NACC2: variants seen among roughly 807,000 people sequenced by gnomAD.
NACC2 encodes nucleus accumbens-associated protein 2.
NACC2 carries 8 observed loss-of-function variants against 25.1 expected under a neutral mutation model. That is an observed-to-expected ratio of 0.32 (90% confidence interval 0.19 to 0.57). The LOEUF (loss-of-function observed/expected upper bound fraction) is 0.57, where lower values mean the gene tolerates loss of function less well. Ranked by LOEUF, NACC2 falls within the 20% of genes least tolerant of loss-of-function variation. The pLI, the probability that NACC2 is intolerant of heterozygous loss-of-function variation, is 0.89. For synonymous variants in NACC2, 435 were observed against 294.7 expected (o/e 1.48, Z -4.88); for missense variants, 644 against 650.2 (o/e 0.99, Z 0.10).
chr9:136,011,663 G>A lies in NACC2; in HGVS notation c.1617C>T (p.Ile539=). ...GCGGCTCGGGGGCGGCCACCTCCTG[G>A]ATGACCGAGCCAGCCCCGTCCACCT... ...GEEVDGAGSV[I]QEVAAPEPLP... The change falls in exon 6 of 6, where the codon ATC becomes ATT. Residue 539 remains isoleucine, a synonymous_variant. Transcript: ENST00000277554. 1 of 1,418,344 alleles carries A rather than the reference G, an allele frequency of 7.1e-7. No homozygotes were observed. Among genetic ancestry groups the A allele is most frequent in the Non-Finnish European group, 9.2e-7 (1 of 1,090,480 alleles). The allele number at this position is 1,418,344 out of a possible 1,614,324, so 87.9% of individuals were successfully genotyped here.
Position 136,013,659 on chromosome 9 carries a change from G to A in NACC2, c.1157+205C>T, listed in dbSNP as rs1020662119. ...TTGTGGGGGTTGCATCCACAAGCCC[G>A]TTTGAGAAAGGCCACGAAAGACAGC... On this transcript the variant is annotated intron_variant, in intron 4 of 5. Coordinates refer to ENST00000277554, the MANE Select transcript of NACC2 (RefSeq NM_144653.5). The surrounding 1 kb of genome is among the most constrained non-coding windows in gnomAD (Gnocchi z 6.6). Among the ~76,000 whole-genome samples, 4 of 152,160 alleles carry A rather than the reference G, an allele frequency of 2.6e-5. No individual in the cohort carries two copies. Among genetic ancestry groups the A allele is most frequent in the South Asian group, 2.1e-4 (1 of 4,828 alleles).
rs780946226 is a variant in NACC2, at chr9:136,086,451, G to C, written c.-60+8738C>G. On this transcript the variant is annotated intron_variant, in intron 1 of 5. Coordinates refer to ENST00000277554, the MANE Select transcript of NACC2 (RefSeq NM_144653.5). The surrounding 1 kb of genome is among the most constrained non-coding windows in gnomAD (Gnocchi z 5.6). ...CTCTTGAGGTCCCAGGTCTGCGAGC[G>C]GCTGGGCTTCCCTGAGGTCTGGCTT... is the stretch of plus-strand genomic sequence containing the variant. Among the ~76,000 whole-genome samples the C allele has an allele frequency of 6.6e-6, 1 of 152,116 alleles. No individual in the cohort carries two copies. Among genetic ancestry groups the C allele is most frequent in the Non-Finnish European group, 1.5e-5 (1 of 68,012 alleles).
intron 2 of NACC2, among the ~76,000 whole-genome samples, chr9:136,021,650 A>G (rs1840296072): frequency 6.6e-6 from 1 of 152,222 alleles, no homozygotes; most frequent in Non-Finnish European, 1.5e-5. Context: ...CAGCCTGCAC[A>G]GGAACGCTTA....
chr9:136,092,447 G>C (rs1442904896), intron 1 of NACC2, among the ~76,000 whole-genome samples: 1 of 152,200 alleles, frequency 6.6e-6, no homozygotes, highest in Non-Finnish European at 1.5e-5. Flanking sequence ...CCAGCGTCCA[G>C]ACGGGCTAGC....
At position 136,049,846 on chromosome 9, in the gene NACC2, C is replaced by A; in HGVS notation, c.676G>T (p.Val226Leu). 2 of 693,020 alleles carry A rather than the reference C, an allele frequency of 2.9e-6. No individual in the cohort carries two copies. Among genetic ancestry groups the A allele is most frequent in the Non-Finnish European group, 2.7e-6 (1 of 372,462 alleles). 42.9% of individuals were successfully genotyped at this position (693,020 alleles called of 1,614,324 possible). The change falls in exon 2 of 6, where the codon GTG (valine) becomes TTG (leucine). Residue 226 changes from valine (V) to leucine (L), a missense_variant. Coordinates refer to ENST00000277554, the MANE Select transcript of NACC2 (RefSeq NM_144653.5). The stretch of plus-strand genomic sequence containing the variant: ...GGGATGAGGGTGGCCAGGCTGGGCA[C>A]CCCGTAGTAGGAGACACGGGGCAGT... ...LKLPRVSYYG[V>L]PSLATLIPGI... is the part of the protein sequence containing the mutation.
chr9:136,054,216 G>C (rs942646874), intron 1 of NACC2, among the ~76,000 whole-genome samples: 1 of 152,188 alleles, frequency 6.6e-6, no homozygotes, highest in Non-Finnish European at 1.5e-5. Context: ...AGCCCAGTTC[G>C]GCCTGCGTCC....
At chr9:136,039,035 T>C (rs1840593451) in intron 2 of NACC2, among the ~76,000 whole-genome samples, 2 of 152,242 alleles carry the variant, frequency 1.3e-5, no homozygotes, top group Admixed American at 1.3e-4. Context: ...AAAGGCAGAC[T>C]GTTAGACTGC....
At chr9:136,033,443 A>C (rs1267569877) in intron 2 of NACC2, among the ~76,000 whole-genome samples, 2 of 151,776 alleles carry the variant, frequency 1.3e-5, no homozygotes, top group Non-Finnish European at 2.9e-5. Context: ...CAGGAGTTCA[A>C]GACCAGCCCA....
At chr9:136,077,165 A>G (rs112071544) in intron 1 of NACC2, among the ~76,000 whole-genome samples, 1,991 of 119,328 alleles carry the variant, frequency 0.017, 44 homozygotes, top group African/African-American at 0.06. Context: ...GGTGACAGAG[A>G]AAAAAACAAA....
intron 1 of NACC2, among the ~76,000 whole-genome samples, chr9:136,066,698 T>C (rs1841086080): frequency 6.6e-6 from 1 of 152,334 alleles, no homozygotes; most frequent in East Asian, 1.9e-4. Context: ...GTCCTAGCAG[T>C]ATCATTTGCA....
chr9:136,044,102 G>A (rs1840684507), intron 2 of NACC2, among the ~76,000 whole-genome samples: 2 of 152,134 alleles, frequency 1.3e-5, no homozygotes, highest in African/African-American at 4.8e-5. Context: ...TGGGATTACA[G>A]GGGTGAGCCA....
chr9:136,046,817 G>T (rs1325156791), intron 2 of NACC2, among the ~76,000 whole-genome samples: 1 of 152,232 alleles, frequency 6.6e-6, no homozygotes, highest in African/African-American at 2.4e-5. Flanking sequence ...GACCCTTGCC[G>T]TGAGGCCACA....
chr9:136,093,953 G>T (rs898148455), intron 1 of NACC2, among the ~76,000 whole-genome samples: 2 of 152,222 alleles, frequency 1.3e-5, no homozygotes. Context: ...GAGGTCAGGA[G>T]CCTGCCAGAC....
intron 2 of NACC2, among the ~76,000 whole-genome samples, chr9:136,025,370 G>T (rs1840372991): frequency 6.6e-6 from 1 of 152,162 alleles, no homozygotes; most frequent in South Asian, 2.1e-4. Flanking sequence ...CCAGAAAACA[G>T]AACCAAATGA....
intron 1 of NACC2, among the ~76,000 whole-genome samples, chr9:136,077,642 AG>A (rs1564241301): frequency 3.7e-4 from 56 of 152,258 alleles, no homozygotes; most frequent in African/African-American, 1.1e-3. Flanking sequence ...GGCCCTTCAC[AG>A]AGGAGAAGGT....
chr9:136,007,047 C>G lies in NACC2; in HGVS notation c.*4469G>C, dbSNP rs4842070. ...TACTTGCACCCAGTGCCATCCAAAT[C>G]TTCAAGTCAAAAATATTTATACATT... On this transcript the variant is annotated 3_prime_UTR_variant, in exon 6 of 6. Transcript: ENST00000277554. 148,210 of 154,454 alleles carry G rather than the reference C, an allele frequency of 0.96. 71,144 individuals are homozygous for G. The highest frequency in any genetic ancestry group is 0.98 in the East Asian group (5,077 of 5,186). The allele number at this position is 154,454 out of a possible 1,614,324, so 9.6% of individuals were successfully genotyped here. A position where few individuals can be genotyped will look rare whatever the true frequency, so the allele number is the denominator to read the frequency against.
intron 2 of NACC2, among the ~76,000 whole-genome samples, chr9:136,043,210 A>G (rs1840671462): frequency 6.6e-6 from 1 of 152,246 alleles, no homozygotes; most frequent in Non-Finnish European, 1.5e-5. Flanking sequence ...CTAGGAGAGA[A>G]TGCCCGCAAT....
chr9:136,040,206 G>A (rs1344269647), intron 2 of NACC2, among the ~76,000 whole-genome samples: 6 of 151,918 alleles, frequency 3.9e-5, no homozygotes, highest in East Asian at 1.9e-4. Flanking sequence ...TTAGCCGGGC[G>A]TGGTGGCGGG....
At position 136,007,723 on chromosome 9, in the gene NACC2, T is replaced by A. The variant is rs1025787968; in HGVS notation, c.*3793A>T. On this transcript the variant is annotated 3_prime_UTR_variant, in exon 6 of 6. Transcript: ENST00000277554. Reference sequence around the variant, plus strand: ...CTGGCAGAGGCAGACAGAGGGTTCTTGGAGTTTTCAGTTGGTTCATGGGCC... The same window carrying A: ...CTGGCAGAGGCAGACAGAGGGTTCTAGGAGTTTTCAGTTGGTTCATGGGCC... The A allele has an allele frequency of 6.6e-6, 1 of 152,228 alleles. No homozygotes were observed. The highest frequency in any genetic ancestry group is 2.4e-5 in the African/African-American group (1 of 41,450). The allele number at this position is 152,228 out of a possible 1,614,324, so 9.4% of individuals were successfully genotyped here. A position where few individuals can be genotyped will look rare whatever the true frequency, so the allele number is the denominator to read the frequency against.
Sources: gnomAD v4.1 joint callset for allele counts (sites outside exome capture counted in the v4.1 genomes callset) on GRCh38, gnomAD v4.1.1 for gene constraint, Gnocchi (gnomAD v3.1) non-coding constraint, MANE v1.5 for transcripts, NCBI Gene and HGNC (gene_info 2026-07-23, HGNC 2026-07-21) for gene names.